The following DNAH7 variants were observed in gnomAD, a reference collection of about 807,000 sequenced individuals.
The protein encoded by DNAH7 is axonemal beta dynein heavy chain 7.
DNAH7 carries 397 observed loss-of-function variants against 444.6 expected under a neutral mutation model. That is an observed-to-expected ratio of 0.89 (90% CI 0.82 to 0.97). The LOEUF is 0.97. DNAH7 is among the 50% of genes least tolerant of loss of function. The pLI, the probability that DNAH7 is intolerant of heterozygous loss-of-function variation, is 0.00. For synonymous variants in DNAH7, 1,636 were observed against 1,624.4 expected, an observed-to-expected ratio of 1.01 and a Z score of -0.17; for missense variants, 4,902 against 4,800.8, an observed-to-expected ratio of 1.02 and a Z score of -0.62.
intron 20 of DNAH7, among the ~76,000 whole-genome samples, 177 bp downstream of exon 20, chr2:195,936,422 C>T (rs1037425513): frequency 6.6e-6 from 1 of 152,002 alleles, no homozygotes; most frequent in Non-Finnish European, 1.5e-5. Flanking sequence ...ACGGTTCATT[C>T]AGTGATACTA....
intron 46 of DNAH7, among the ~76,000 whole-genome samples, chr2:195,852,520 T>C (rs974580580): frequency 3.3e-5 from 5 of 152,172 alleles, no homozygotes; most frequent in Admixed American, 2.0e-4. Context: ...TTATCTTAAT[T>C]TTTCTAAATC....
At chr2:196,004,962 C>CA (rs60564090) in intron 10 of DNAH7, among the ~76,000 whole-genome samples, 2,239 of 63,110 alleles carry the variant, frequency 0.035, 28 homozygotes, top group Non-Finnish European at 0.057. Flanking sequence ...GGCCTTGTGT[C>CA]AAAAAAAAAA....
chr2:195,982,990 T>C (rs960298766), intron 15 of DNAH7, among the ~76,000 whole-genome samples: 2 of 152,198 alleles, frequency 1.3e-5, no homozygotes, highest in African/African-American at 4.8e-5. Context: ...AATTGGATTG[T>C]CTGAAACACA....
intron 59 of DNAH7, 152 bp from the exon 60 acceptor site, chr2:195,776,135 G>T: frequency 9.6e-7 from 1 of 1,046,468 alleles, no homozygotes; most frequent in Non-Finnish European, 1.4e-6. Flanking sequence ...TTTCAGCCTG[G>T]GCCAAAGTTT....
At chr2:195,776,530 G>T (rs560140627) in intron 59 of DNAH7, among the ~76,000 whole-genome samples, 1 of 152,046 alleles carries the variant, frequency 6.6e-6, no homozygotes, top group East Asian at 1.9e-4. Context: ...TTTTTAATGG[G>T]GGGGAGGGGA....
At chr2:195,816,549 G>C in intron 51 of DNAH7, 79 bp downstream of exon 51, 4 of 1,080,312 alleles carry the variant, frequency 3.7e-6, no homozygotes, top group Non-Finnish European at 5.3e-6. Flanking sequence ...ACCACTCTGA[G>C]ACAACAATAG....
chr2:196,010,794 T>C (rs1694683619), intron 10 of DNAH7, among the ~76,000 whole-genome samples: 1 of 152,232 alleles, frequency 6.6e-6, no homozygotes, highest in Non-Finnish European at 1.5e-5. Context: ...ATGTAGTTTA[T>C]ATACACAATG....
chr2:196,063,285 G>A (rs1268521230), intron 1 of DNAH7: 2 of 152,188 alleles, frequency 1.3e-5, no homozygotes, highest in African/African-American at 4.8e-5. Flanking sequence ...GTTAATTCTT[G>A]CCATCATGTG....
intron 28 of DNAH7, among the ~76,000 whole-genome samples, chr2:195,898,809 T>C (rs1686514263): frequency 6.6e-6 from 1 of 152,246 alleles, no homozygotes; most frequent in African/African-American, 2.4e-5. Context: ...ATTTGTGGTG[T>C]ACCCAAAGTT....
chr2:195,774,318 A>G (rs956290857), intron 60 of DNAH7, among the ~76,000 whole-genome samples: 3 of 152,252 alleles, frequency 2.0e-5, no homozygotes, highest in Admixed American at 6.5e-5. Flanking sequence ...TGCCCAGGCA[A>G]TAACTGATTT....
intron 57 of DNAH7, among the ~76,000 whole-genome samples, chr2:195,789,605 T>C (rs1695781037): frequency 6.6e-6 from 1 of 151,634 alleles, no homozygotes. Flanking sequence ...TATTATACAG[T>C]GAGGAAATAA....
intron 53 of DNAH7, among the ~76,000 whole-genome samples, chr2:195,808,298 A>T (rs1487359566): frequency 6.6e-6 from 1 of 152,346 alleles, no homozygotes; most frequent in Non-Finnish European, 1.5e-5. Flanking sequence ...TCCTTTTCTC[A>T]AATGACACAC....
At chr2:195,933,416 T>A (rs1457633519) in intron 21 of DNAH7, among the ~76,000 whole-genome samples, 10 of 152,292 alleles carry the variant, frequency 6.6e-5, no homozygotes, top group Admixed American at 2.6e-4. Context: ...CCTAAAGGAT[T>A]ATAAATCATG....
At position 195,966,086 on chromosome 2, in the gene DNAH7, T is replaced by C. The variant is rs147953178; in HGVS notation, c.2205+3862A>G. 3.1e-3 allele frequency among the ~76,000 whole-genome samples: 475 copies of C among 152,196 alleles called. 3 individuals carry two copies. The highest frequency in any genetic ancestry group is 0.011 in the African/African-American group (456 of 41,546). ...GTGTGTTTGTTTTGGTGTAGGTACCTATAGCTATAAATTTCCCCCTTAGCA... is the reference window on the plus strand; with the variant it reads ...GTGTGTTTGTTTTGGTGTAGGTACCCATAGCTATAAATTTCCCCCTTAGCA... On this transcript the variant is annotated intron_variant, in intron 17 of 64. Transcript: ENST00000312428.
At chr2:195,892,461 T>C (rs975234626) in intron 30 of DNAH7, 1 of 151,194 alleles carries the variant, frequency 6.6e-6, no homozygotes, top group Admixed American at 6.6e-5. Flanking sequence ...GAGATATTAA[T>C]GCCCTTTGGA....
chr2:195,778,643 AATATATATAT>A (rs1169066622), intron 58 of DNAH7, among the ~76,000 whole-genome samples: 3 of 56,254 alleles, frequency 5.3e-5, no homozygotes, highest in African/African-American at 2.0e-4. Flanking sequence ...TAAATAAATA[AATATATATAT>A]ATATATATAT....
At chr2:196,010,513 G>C (rs548079771) in intron 10 of DNAH7, among the ~76,000 whole-genome samples, 1 of 152,154 alleles carries the variant, frequency 6.6e-6, no homozygotes, top group Non-Finnish European at 1.5e-5. Context: ...GAACACTACA[G>C]AGGTTCCTCA....
At chr2:195,991,489 A>G (rs1034463917) in intron 12 of DNAH7, among the ~76,000 whole-genome samples, 4 of 152,246 alleles carry the variant, frequency 2.6e-5, no homozygotes, top group Admixed American at 6.5e-5. Flanking sequence ...ACAAAACAAA[A>G]TAACACTTTT....
At chr2:195,829,337 T>C (rs1474606015) in intron 48 of DNAH7, among the ~76,000 whole-genome samples, 1 of 152,096 alleles carries the variant, frequency 6.6e-6, no homozygotes, top group Non-Finnish European at 1.5e-5. Context: ...CTTTCTTTTT[T>C]TGTTTTTGTT....
Sources: gnomAD v4.1 joint callset for allele counts (sites outside exome capture counted in the v4.1 genomes callset) on GRCh38, gnomAD v4.1.1 for gene constraint, MANE v1.5 for transcripts, NCBI Gene and HGNC (gene_info 2026-07-23, HGNC 2026-07-21) for gene names.